Variants in SPTBN2 observed in about 807,000 individuals in gnomAD.
SPTBN2 encodes the protein spectrin beta, non-erythrocytic 2.
Under a neutral mutation model 284.2 loss-of-function variants are expected in SPTBN2, and 107 were observed. The ratio of observed to expected loss-of-function variants is 0.38; its 90% CI spans 0.32 to 0.44. The LOEUF (loss-of-function observed/expected upper bound fraction) is 0.44. Ranked by LOEUF, SPTBN2 falls within the 20% of genes least tolerant of loss-of-function variation. The pLI, the probability that SPTBN2 is intolerant of heterozygous loss-of-function variation, is 1.00. For synonymous variants in SPTBN2, 1,289 were observed against 1,354.8 expected, an observed-to-expected ratio of 0.95 and a Z score of 1.07; for missense variants, 2,569 against 3,287.1, an observed-to-expected ratio of 0.78 and a Z score of 5.34.
At position 66,721,220 on chromosome 11, in the gene SPTBN2, G is replaced by A; in HGVS notation, c.21C>T (p.Pro7=). 6.2e-7 allele frequency: 1 copy of A among 1,614,178 alleles called. No homozygotes were observed. Residue 7 remains proline, a synonymous_variant, in exon 3 of 38, where the codon CCC becomes CCT. Coordinates refer to ENST00000533211, the MANE Select transcript of SPTBN2 (RefSeq NM_006946.4). ...GGATTTCCAAGCTGTCAAAGTCTGT[G>A]GGTGACAGCGTGCTGCTCATGGTGG... is the stretch of plus-strand genomic sequence containing the variant. MSSTLS[P]TDFDSLEIQG... is the part of the protein sequence containing the mutation.
At chr11:66,702,951 A>AC in intron 15 of SPTBN2, among the ~76,000 whole-genome samples, 2 of 151,560 alleles carry the variant, frequency 1.3e-5, no homozygotes, top group South Asian at 4.2e-4. Flanking sequence ...AAAAAAAAAA[A>AC]AAAAAAAAAC....
rs1434888083 is a variant in SPTBN2, at chr11:66,701,728, G to A, written c.2679-7C>T. ...AGGCTCCAGGGTCTCGAACCTGAGA[G>A]GGTGGAAGAGCCAGGCGTGAATTGT... On this transcript the variant is annotated splice_polypyrimidine_tract_variant and splice_region_variant and intron_variant, in intron 15 of 37. Coordinates refer to ENST00000533211, the MANE Select transcript of SPTBN2 (RefSeq NM_006946.4). 2.2e-5 allele frequency: 35 copies of A among 1,614,106 alleles called. No individual in the cohort carries two copies. Among genetic ancestry groups the A allele is most frequent in the Non-Finnish European group, 2.9e-5 (34 of 1,180,018 alleles).
In SPTBN2 at chr11:66,710,671, G is replaced by A; in HGVS notation, c.984C>T (p.Leu328=). 1.2e-6 allele frequency: 2 copies of A among 1,614,210 alleles called. No homozygotes were observed. Among genetic ancestry groups the A allele is most frequent in the Non-Finnish European group, 1.7e-6 (2 of 1,180,038 alleles). ...LQWIEQTIVT[L]NDRQLANSLS... The stretch of plus-strand genomic sequence containing the variant: ...GGGAGTTGGCCAACTGCCGGTCATT[G>A]AGGGTCACGATCGTTTGCTCGATCC... Residue 328 remains leucine (L), a synonymous_variant, in exon 10 of 38, where the codon CTC becomes CTT. Coordinates refer to ENST00000533211, the MANE Select transcript of SPTBN2 (RefSeq NM_006946.4). This position sits in a 1 kb window ranked among gnomAD's most constrained non-coding sequence, Gnocchi z 4.9.
rs1202379770 is a variant in SPTBN2 at position 66,687,586 on chromosome 11, C to T, written c.6563G>A (p.Gly2188Asp). The change falls in exon 35 of 38, where the codon GGC (glycine) becomes GAC (aspartate). Residue 2188 changes from glycine (G) to aspartate (D), a missense_variant. This residue lies in a region of SPTBN2 where 1,130 missense variants were observed against 1,317.3 expected (regional missense o/e 0.86). Coordinates refer to ENST00000533211, the MANE Select transcript of SPTBN2 (RefSeq NM_006946.4). This position sits in a 1 kb window ranked among gnomAD's most constrained non-coding sequence, Gnocchi z 5.2. The stretch of plus-strand genomic sequence containing the variant: ...CTGGGGCATTGCAGATGGGGCCGGG[C>T]CCCGAGTCCGGGTCTGCCTCTCTCC... Reference protein sequence around the residue: ...PRGERQTRTRGPAPSAMPQSR... With the variant: ...PRGERQTRTRDPAPSAMPQSR... 5 of 1,610,370 alleles carry T rather than the reference C, an allele frequency of 3.1e-6. No individual in the cohort carries two copies. The highest frequency in any genetic ancestry group is 2.2e-5 in the South Asian group (2 of 91,010).
rs749001156 is a variant in SPTBN2, at chr11:66,689,857, CAGG to C, written c.5894_5896del (p.Ser1965del). ...CAGCAGCTCCTTCCCCATGTCGATG[CAGG>C]AGGAGAAGCGGTCTGCCCGGGCCTC... On this transcript the variant is annotated inframe_deletion, in exon 29 of 38. Coordinates refer to ENST00000533211, the MANE Select transcript of SPTBN2 (RefSeq NM_006946.4). 2.5e-6 allele frequency: 4 copies of C among 1,614,136 alleles called. No individual in the cohort carries two copies. The highest frequency in any genetic ancestry group is 1.3e-5 in the African/African-American group (1 of 75,020).
At position 66,691,328 on chromosome 11, in the gene SPTBN2, G is replaced by C. The variant is rs866476391; in HGVS notation, c.5521C>G (p.Arg1841Gly). 6.4e-7 allele frequency: 1 copy of C among 1,553,118 alleles called. No individual in the cohort carries two copies. The highest frequency in any genetic ancestry group is 1.8e-5 in the Admixed American group (1 of 54,796). ...DLNAAEALQR[R>G]HCAYEHDIQA... ...ATGTCATGCTCGTAGGCACAGTGTC[G>C]GCGCTGCAGGGCCTCGGCAGCGTTG... The change falls in exon 27 of 38, where the codon CGA becomes GGA. Residue 1841 changes from arginine (R) to glycine (G), a missense_variant. Arg to Gly is a moderately radical substitution (Grantham distance 125). Coordinates refer to ENST00000533211, the MANE Select transcript of SPTBN2 (RefSeq NM_006946.4). This position sits in a 1 kb window ranked among gnomAD's most constrained non-coding sequence, Gnocchi z 8.0.
chr11:66,707,627 G>A lies in SPTBN2; in HGVS notation c.1542C>T (p.Asp514=). 3.1e-6 allele frequency: 5 copies of A among 1,610,480 alleles called. No individual in the cohort carries two copies. The highest frequency in any genetic ancestry group is 4.2e-6 in the Non-Finnish European group (5 of 1,179,990). Residue 514 remains aspartate (D), a synonymous_variant, in exon 13 of 38, where the codon GAC becomes GAT. Coordinates refer to ENST00000533211, the MANE Select transcript of SPTBN2 (RefSeq NM_006946.4). This position sits in a 1 kb window ranked among gnomAD's most constrained non-coding sequence, Gnocchi z 4.9. ...GGGCGGCCACCATCTGCCGCAAGAA[G>A]TCCCAGAGCCGTGCCACGTTGTGCT... ...ARQHNVARLW[D]FLRQMVAARR...
In SPTBN2 at chr11:66,693,932, TG is replaced by T; in HGVS notation, c.4504-72del. ...AGCAGCAGGGACTGATTAGTGGGAG[TG>T]GGGACACCTGGGGCTACCGCCCTGT... is the stretch of plus-strand genomic sequence containing the variant. On this transcript the variant is annotated intron_variant, in intron 22 of 37. Coordinates refer to ENST00000533211, the MANE Select transcript of SPTBN2 (RefSeq NM_006946.4). The surrounding 1 kb of genome is among the most constrained non-coding windows in gnomAD (Gnocchi z 5.7). 1 of 1,431,468 alleles carries T rather than the reference TG, an allele frequency of 7.0e-7. No homozygotes were observed. The allele number at this position is 1,431,468 out of a possible 1,614,324, so 88.7% of individuals were successfully genotyped here.
At chr11:66,721,944 G>A (rs552532821) in intron 1 of SPTBN2, among the ~76,000 whole-genome samples, 2 of 152,098 alleles carry the variant, frequency 1.3e-5, no homozygotes, top group South Asian at 2.1e-4. Context: ...CTACTCAGGA[G>A]GCTGAAGCAG....
intron 5 of SPTBN2, 113 bp from the exon 6 acceptor site, chr11:66,714,520 A>G (rs569499137): frequency 1.1e-6 from 1 of 943,642 alleles, no homozygotes; most frequent in African/African-American, 1.6e-5. Context: ...AATGGGGTGG[A>G]CAGGCATAGC....
intron 2 of SPTBN2, 25 bp downstream of exon 2, chr11:66,721,325 G>A (rs988814508): frequency 8.3e-6 from 13 of 1,558,528 alleles, no homozygotes; most frequent in African/African-American, 1.4e-5. Flanking sequence ...ACTCACCACC[G>A]GGGCCTTCTG....
chr11:66,711,465 G>A (rs1034888126), intron 8 of SPTBN2, among the ~76,000 whole-genome samples: 2 of 152,192 alleles, frequency 1.3e-5, no homozygotes, highest in Non-Finnish European at 1.5e-5. Flanking sequence ...TGCTCAGATC[G>A]ATGGGCCCTG....
At chr11:66,690,623 G>A (rs1940474839) in intron 27 of SPTBN2, among the ~76,000 whole-genome samples, 1 of 152,312 alleles carries the variant, frequency 6.6e-6, no homozygotes, top group East Asian at 1.9e-4. Context: ...GGGCTGATGG[G>A]TTCTAGTGGT....
intron 15 of SPTBN2, 148 bp from the exon 16 acceptor site, chr11:66,701,869 G>T: frequency 8.9e-7 from 1 of 1,117,956 alleles, no homozygotes; most frequent in Non-Finnish European, 1.3e-6. Context: ...AGCCTATGAG[G>T]TTCATAGTAT....
At chr11:66,735,610 G>T (rs1942846255) in intron 1 of SPTBN2, among the ~76,000 whole-genome samples, 1 of 152,266 alleles carries the variant, frequency 6.6e-6, no homozygotes, top group Non-Finnish European at 1.5e-5. Flanking sequence ...TACTTGGGTG[G>T]TAGAGGTGGG....
upstream of SPTBN2, among the ~76,000 whole-genome samples, chr11:66,732,981 CAA>C (rs57325257): frequency 0.033 from 3,967 of 118,772 alleles, 176 homozygotes; most frequent in African/African-American, 0.11. Context: ...ACCAACCAAC[CAA>C]AAAAAAAAAA....
intron 1 of SPTBN2, among the ~76,000 whole-genome samples, chr11:66,742,807 A>G (rs1942904862): frequency 1.3e-5 from 2 of 152,058 alleles, no homozygotes; most frequent in South Asian, 4.2e-4. Context: ...GTGGGGTTTC[A>G]CCATGTTGGC....
In SPTBN2 at chr11:66,690,098, C is replaced by G; in HGVS notation, c.5751G>C (p.Arg1917=). 1 of 1,614,268 alleles carries G rather than the reference C, an allele frequency of 6.2e-7. No individual in the cohort carries two copies. Among genetic ancestry groups the G allele is most frequent in the Non-Finnish European group, 8.5e-7 (1 of 1,180,050 alleles). ...TDKFRFFKAV[R]ELMLWMDEVN... is the part of the protein sequence containing the mutation. ...CCTCATCCATCCAGAGCATCAGTTC[C>G]CGGACAGCCTTGAAGAAGCGGAACT... is the stretch of plus-strand genomic sequence containing the variant. The change falls in exon 28 of 38, where the codon CGG becomes CGC. Residue 1917 remains arginine (R), a synonymous_variant. Coordinates refer to ENST00000533211, the MANE Select transcript of SPTBN2 (RefSeq NM_006946.4).
Position 66,687,085 on chromosome 11 carries a change from G to A in SPTBN2, c.6805C>T (p.Pro2269Ser), listed in dbSNP as rs1357838294. ...KDAKAASAGVPYHGEVPVSLA... is the reference protein window; with the variant it reads ...KDAKAASAGVSYHGEVPVSLA... The stretch of plus-strand genomic sequence containing the variant: ...CTGACAGGCACTTCTCCGTGGTATG[G>A]CACTCCCGCGCTGGCTGCCTTGGCA... Residue 2269 changes from proline (P) to serine (S), a missense_variant, in exon 36 of 38, where the codon CCA becomes TCA. Transcript: ENST00000533211. The surrounding 1 kb of genome is among the most constrained non-coding windows in gnomAD (Gnocchi z 5.2). The A allele has an allele frequency of 1.2e-6, 2 of 1,614,132 alleles. No individual in the cohort carries two copies.
Sources: allele counts gnomAD v4.1 joint callset (sites outside exome capture counted in the v4.1 genomes callset), GRCh38; gene constraint gnomAD v4.1.1; regional missense constraint gnomAD v4.1.1; non-coding constraint Gnocchi (gnomAD v3.1); transcripts MANE v1.5; gene names NCBI Gene and HGNC (gene_info 2026-07-23, HGNC 2026-07-21).